The following ADAMTS19 variants were observed in gnomAD, a reference collection of about 807,000 sequenced individuals.
ADAMTS19 encodes the protein A disintegrin and metalloproteinase with thrombospondin motifs 19.
ADAMTS19 carries 93 observed loss-of-function variants against 153.3 expected under a neutral mutation model. That is an observed-to-expected ratio of 0.61 (90% CI 0.51 to 0.72). The LOEUF is 0.72. Ranked by LOEUF, ADAMTS19 falls within the 30% of genes least tolerant of loss-of-function variation. The probability of loss-of-function intolerance (pLI) is 0.00; values close to 1 mark genes in which losing one functional copy is unlikely to be tolerated. For synonymous variants in ADAMTS19, 600 were observed against 556.6 expected (o/e 1.08, Z -1.10); for missense variants, 1,482 against 1,552.1 (o/e 0.95, Z 0.76).
rs189828282 is a variant in ADAMTS19 at position 129,572,447 on chromosome 5, C to T, written c.1372+20540C>T. 3.5e-3 allele frequency among the ~76,000 whole-genome samples: 531 copies of T among 152,100 alleles called. 3 individuals carry two copies. Among genetic ancestry groups the T allele is most frequent in the Middle Eastern group, 0.01 (3 of 294 alleles). On this transcript the variant is annotated intron_variant, in intron 7 of 22. Coordinates refer to ENST00000274487, the MANE Select transcript of ADAMTS19 (RefSeq NM_133638.6). ...TTTACTTCAAAAAAACGAAAACTTA[C>T]ATTCACCTAAAGCCTGATCACAAAT...
chr5:129,646,675 T>C (rs965104999), intron 11 of ADAMTS19, among the ~76,000 whole-genome samples: 4 of 152,170 alleles, frequency 2.6e-5, no homozygotes, highest in Non-Finnish European at 4.4e-5. Context: ...TAACTATGAT[T>C]ATCATTCACA....
chr5:129,518,924 T>C (rs1173866152), intron 3 of ADAMTS19, among the ~76,000 whole-genome samples: 2 of 152,204 alleles, frequency 1.3e-5, no homozygotes, highest in Non-Finnish European at 2.9e-5. Flanking sequence ...TCAAATAGCC[T>C]GTCTTCAAGA....
intron 21 of ADAMTS19, among the ~76,000 whole-genome samples, chr5:129,720,927 C>T (rs775540870): frequency 1.8e-4 from 27 of 152,148 alleles, no homozygotes; most frequent in Non-Finnish European, 2.2e-4. Context: ...TAAATTTCTA[C>T]GTATGATTCA....
At chr5:129,714,430 A>C in intron 21 of ADAMTS19, among the ~76,000 whole-genome samples, 1 of 150,234 alleles carries the variant, frequency 6.7e-6, no homozygotes. Flanking sequence ...CGTCTCAAAA[A>C]AAAAAAAAAA....
intron 14 of ADAMTS19, among the ~76,000 whole-genome samples, chr5:129,655,253 TGA>T (rs1295617787): frequency 5.9e-5 from 9 of 152,182 alleles, no homozygotes; most frequent in Admixed American, 5.9e-4. Context: ...GCATGGGGCT[TGA>T]GAGTTGTTAC....
intron 2 of ADAMTS19, among the ~76,000 whole-genome samples, chr5:129,473,582 A>T (rs1336536168): frequency 6.6e-6 from 1 of 152,078 alleles, no homozygotes; most frequent in Middle Eastern, 3.2e-3. Context: ...AGGTTGAGTA[A>T]CTCATTGTGA....
intron 2 of ADAMTS19, among the ~76,000 whole-genome samples, chr5:129,495,191 TA>T (rs1750889950): frequency 1.3e-5 from 2 of 152,032 alleles, no homozygotes; most frequent in South Asian, 4.1e-4. Context: ...TTAAAGACAA[TA>T]AATTAAAACA....
chr5:129,653,879 A>C (rs938881500), intron 13 of ADAMTS19, among the ~76,000 whole-genome samples: 3 of 152,154 alleles, frequency 2.0e-5, no homozygotes, highest in Admixed American at 2.0e-4. Context: ...AGACATCAAT[A>C]AATAATTCAA....
chr5:129,522,790 T>C (rs1263416163), intron 3 of ADAMTS19, among the ~76,000 whole-genome samples: 3 of 152,094 alleles, frequency 2.0e-5, no homozygotes, highest in Admixed American at 6.6e-5. Flanking sequence ...GAACAGTGGC[T>C]CACACCTGTT....
intron 2 of ADAMTS19, among the ~76,000 whole-genome samples, chr5:129,464,080 G>A (rs923779830): frequency 6.6e-6 from 1 of 152,168 alleles, no homozygotes; most frequent in Non-Finnish European, 1.5e-5. Context: ...AAAAAAAGCT[G>A]GAGTGTTGTA....
intron 5 of ADAMTS19, 125 bp downstream of exon 5, chr5:129,527,956 T>G (rs1420579658): frequency 7.0e-6 from 4 of 570,466 alleles, no homozygotes; most frequent in East Asian, 6.0e-5. Flanking sequence ...TCACTTAAAG[T>G]ATACATAAAA....
At chr5:129,635,597 T>C (rs1423923815) in intron 10 of ADAMTS19, among the ~76,000 whole-genome samples, 1 of 152,170 alleles carries the variant, frequency 6.6e-6, no homozygotes, top group Non-Finnish European at 1.5e-5. Context: ...ATAATGTCTT[T>C]TGCAGCAACA....
At chr5:129,590,362 C>A (rs1171455371) in intron 7 of ADAMTS19, among the ~76,000 whole-genome samples, 1 of 152,062 alleles carries the variant, frequency 6.6e-6, no homozygotes, top group African/African-American at 2.4e-5. Flanking sequence ...TTTGTGATTT[C>A]TACGTGTTTT....
intron 21 of ADAMTS19, among the ~76,000 whole-genome samples, chr5:129,707,597 C>T (rs2127173593): frequency 6.6e-6 from 1 of 152,164 alleles, no homozygotes; most frequent in African/African-American, 2.4e-5. Flanking sequence ...TAATGAATGC[C>T]ATGATTAAGT....
chr5:129,462,396 G>A (rs1749705155), intron 2 of ADAMTS19, among the ~76,000 whole-genome samples: 1 of 152,140 alleles, frequency 6.6e-6, no homozygotes, highest in African/African-American at 2.4e-5. Context: ...AAGGGTTATG[G>A]TTCTGTGATT....
intron 6 of ADAMTS19, 54 bp from the exon 7 acceptor site, chr5:129,551,810 C>A (rs1581075667): frequency 1.7e-6 from 2 of 1,186,924 alleles, no homozygotes; most frequent in Non-Finnish European, 2.4e-6. Flanking sequence ...CACTTGATGT[C>A]TTGTTTGTAC....
intron 16 of ADAMTS19, among the ~76,000 whole-genome samples, chr5:129,673,575 C>T (rs1754408647): frequency 6.6e-6 from 1 of 151,994 alleles, no homozygotes; most frequent in South Asian, 2.1e-4. Flanking sequence ...TGACCAATGA[C>T]CCGTTTATAC....
intron 3 of ADAMTS19, among the ~76,000 whole-genome samples, chr5:129,521,368 A>G (rs1317315903): frequency 6.6e-6 from 1 of 152,298 alleles, no homozygotes; most frequent in South Asian, 2.1e-4. Context: ...TTTCCATATT[A>G]AAAATGTCAT....
chr5:129,560,787 A>C (rs898313764), intron 7 of ADAMTS19, among the ~76,000 whole-genome samples: 1 of 151,824 alleles, frequency 6.6e-6, no homozygotes, highest in Non-Finnish European at 1.5e-5. Context: ...CAGTTTGCTC[A>C]ACATTCACAT....
Sources: gnomAD v4.1 joint callset for allele counts (sites outside exome capture counted in the v4.1 genomes callset) on GRCh38, gnomAD v4.1.1 for gene constraint, MANE v1.5 for transcripts, NCBI Gene and HGNC (gene_info 2026-07-23, HGNC 2026-07-21) for gene names.